RBPJ: variants seen among roughly 807,000 people sequenced by gnomAD.
RBPJ encodes the protein recombination signal binding protein for immunoglobulin kappa J region.
In RBPJ, 9 loss-of-function variants were observed where a neutral mutation model predicts 67.8. That is an observed-to-expected ratio of 0.13 (90% CI 0.08 to 0.23). The LOEUF is 0.23. Ranked by LOEUF, RBPJ falls within the 10% of genes least tolerant of loss-of-function variation. The pLI, the probability that RBPJ is intolerant of heterozygous loss-of-function variation, is 1.00. For missense variants in RBPJ, 305 were observed against 595.6 expected (o/e 0.51, Z 5.08); for synonymous variants, 198 against 203.3 (o/e 0.97, Z 0.22).
At chr4:26,198,924 A>C (rs1244970107) in intron 1 of RBPJ, among the ~76,000 whole-genome samples, 1 of 152,238 alleles carries the variant, frequency 6.6e-6, no homozygotes, top group East Asian at 1.9e-4. Flanking sequence ...TAAAATATAC[A>C]CAACATAAAA....
chr4:26,349,086 G>A (rs1418868711), intron 1 of RBPJ, among the ~76,000 whole-genome samples: 1 of 130,896 alleles, frequency 7.6e-6, no homozygotes, highest in Non-Finnish European at 1.7e-5. Flanking sequence ...GTGTGTGTGT[G>A]TGCGCGCGCG....
the RBPJ span, among the ~76,000 whole-genome samples, chr4:26,128,856 T>G: frequency 6.6e-6 from 1 of 152,188 alleles, no homozygotes; most frequent in African/African-American, 2.4e-5. Flanking sequence ...TCTGATGGTT[T>G]TATAAGAGGT....
chr4:26,185,703 G>A (rs953216542), intron 1 of RBPJ, among the ~76,000 whole-genome samples: 1 of 152,162 alleles, frequency 6.6e-6, no homozygotes, highest in Non-Finnish European at 1.5e-5. Flanking sequence ...TTCTGTACTA[G>A]ATTCCTAGGA....
At chr4:26,382,724 A>G (rs1730449658) in intron 1 of RBPJ, among the ~76,000 whole-genome samples, 1 of 152,098 alleles carries the variant, frequency 6.6e-6, no homozygotes, top group African/African-American at 2.4e-5. Context: ...TATTTTTAGA[A>G]GAGACGGGGT....
At chr4:26,206,264 G>A (rs1368539897) in intron 1 of RBPJ, among the ~76,000 whole-genome samples, 3 of 152,176 alleles carry the variant, frequency 2.0e-5, no homozygotes, top group Admixed American at 2.0e-4. Context: ...TTTTTGTTTA[G>A]TGTTTTTTCG....
chr4:26,272,255 C>T (rs532027333), intron 1 of RBPJ, among the ~76,000 whole-genome samples: 11 of 152,202 alleles, frequency 7.2e-5, no homozygotes, highest in East Asian at 1.9e-4. Context: ...AAAATGAAGA[C>T]GTCATTTTTA....
In RBPJ at chr4:26,415,622, G is replaced by T. The variant is rs1027261374; in HGVS notation, c.303G>T (p.Gln101His). ...GIGNSDQEMQ[Q>H]LNLEGKNYCT... ...GAAATAGTGACCAAGAAATGCAGCA[G>T]CTAAACTTGGAAGGAAAGGTAAATC... is the stretch of plus-strand genomic sequence containing the variant. The change falls in exon 4 of 11, where the codon CAG becomes CAT. Residue 101 changes from glutamine to histidine, a missense_variant. Transcript: ENST00000355476. 1.9e-6 allele frequency: 3 copies of T among 1,609,080 alleles called. No homozygotes were observed. Among genetic ancestry groups the T allele is most frequent in the Non-Finnish European group, 2.5e-6 (3 of 1,178,546 alleles).
intron 1 of RBPJ, among the ~76,000 whole-genome samples, chr4:26,250,134 A>C (rs941418211): frequency 6.6e-6 from 1 of 151,562 alleles, no homozygotes; most frequent in African/African-American, 2.4e-5. Flanking sequence ...CCCATTAAGC[A>C]ATACTTCCTC....
intron 1 of RBPJ, chr4:26,322,991 A>G (rs1409575359): frequency 6.6e-6 from 1 of 151,302 alleles, no homozygotes; most frequent in East Asian, 1.9e-4. Flanking sequence ...CATTTCATTT[A>G]CAAACTGAAG....
At chr4:26,145,818 A>T in the RBPJ span, among the ~76,000 whole-genome samples, 92 of 152,368 alleles carry the variant, frequency 6.0e-4, no homozygotes, top group African/African-American at 2.2e-3. Flanking sequence ...AGTCAAAATA[A>T]ATTTCAGAAG....
At position 26,432,479 on chromosome 4, in the gene RBPJ, C is replaced by A. The variant is rs1211361418; in HGVS notation, c.*1472C>A. The A allele has an allele frequency of 6.6e-6, 1 of 152,082 alleles. No homozygotes were observed. Among genetic ancestry groups the A allele is most frequent in the Non-Finnish European group, 1.5e-5 (1 of 68,000 alleles). The allele number at this position is 152,082 out of a possible 1,614,324, so 9.4% of individuals were successfully genotyped here. On this transcript the variant is annotated 3_prime_UTR_variant, in exon 11 of 11. Coordinates refer to ENST00000355476, the MANE Select transcript of RBPJ (RefSeq NM_015874.6). ...ATGTCTCCTAACTCAGAAAATGTTT[C>A]TTTTCTTTTCAGTTGAGATTTGGTT...
the RBPJ span, among the ~76,000 whole-genome samples, chr4:26,146,343 CA>C: frequency 1.2e-4 from 18 of 152,130 alleles, no homozygotes; most frequent in Non-Finnish European, 1.2e-4. Flanking sequence ...CTATCCCATG[CA>C]AAAAGATGAA....
chr4:26,348,777 C>T (rs1726460949), intron 1 of RBPJ, among the ~76,000 whole-genome samples: 1 of 151,880 alleles, frequency 6.6e-6, no homozygotes, highest in South Asian at 2.1e-4. Context: ...GATCATAGCT[C>T]ACTGCAGCCT....
intron 1 of RBPJ, among the ~76,000 whole-genome samples, chr4:26,338,156 CTTT>C (rs773976269): frequency 1.1e-5 from 1 of 89,028 alleles, no homozygotes; most frequent in Non-Finnish European, 2.3e-5. Context: ...ATTTTTCTTT[CTTT>C]TTTTTTTTTT....
intron 3 of RBPJ, among the ~76,000 whole-genome samples, chr4:26,408,260 T>C (rs1350401150): frequency 6.6e-6 from 1 of 152,192 alleles, no homozygotes; most frequent in Admixed American, 6.5e-5. Flanking sequence ...GGTACTGTTA[T>C]TCAGGCTTAC....
At chr4:26,364,635 T>C (rs2109515405) in intron 1 of RBPJ, among the ~76,000 whole-genome samples, 1 of 150,166 alleles carries the variant, frequency 6.7e-6, no homozygotes, top group East Asian at 1.9e-4. Flanking sequence ...CTTTTTTTTT[T>C]TTTTTTCTTG....
At chr4:26,363,102 AT>A in intron 1 of RBPJ, among the ~76,000 whole-genome samples, 1 of 152,142 alleles carries the variant, frequency 6.6e-6, no homozygotes, top group African/African-American at 2.4e-5. Flanking sequence ...TTTCCAAAGA[AT>A]TTTCACTTAA....
intron 1 of RBPJ, among the ~76,000 whole-genome samples, chr4:26,258,965 G>A (rs971229364): frequency 6.6e-5 from 10 of 151,922 alleles, no homozygotes; most frequent in Non-Finnish European, 1.3e-4. Flanking sequence ...CACCATACCC[G>A]GCTAATTGTT....
intron 1 of RBPJ, among the ~76,000 whole-genome samples, chr4:26,313,601 C>T (rs896291261): frequency 4.6e-5 from 7 of 151,662 alleles, no homozygotes; most frequent in East Asian, 1.9e-4. Context: ...ACCCAGGAGA[C>T]GGAACTTGCA....
Sources: allele counts gnomAD v4.1 joint callset (sites outside exome capture counted in the v4.1 genomes callset), GRCh38; gene constraint gnomAD v4.1.1; transcripts MANE v1.5; gene names NCBI Gene and HGNC (gene_info 2026-07-23, HGNC 2026-07-21).